TGS1: variants seen among roughly 807,000 people sequenced by gnomAD.
TGS1 encodes the protein trimethylguanosine synthase 1.
In TGS1, 69 loss-of-function variants were observed where a neutral mutation model predicts 92.2. That is an observed-to-expected ratio of 0.75 (90% CI 0.62 to 0.91). The LOEUF (loss-of-function observed/expected upper bound fraction) is 0.91. TGS1 is among the 40% of genes least tolerant of loss of function. The pLI, the probability that TGS1 is intolerant of heterozygous loss-of-function variation, is 0.00. For missense variants in TGS1, 1,062 were observed against 1,001.2 expected (o/e 1.06, Z -0.82); for synonymous variants, 345 against 338.1 (o/e 1.02, Z -0.22).
chr8:55,790,193 T>C lies in TGS1; in HGVS notation c.1174T>C (p.Ser392Pro), dbSNP rs1415346005. 1.2e-6 allele frequency: 2 copies of C among 1,613,418 alleles called. No individual in the cohort carries two copies. The highest frequency in any genetic ancestry group is 1.7e-6 in the Non-Finnish European group (2 of 1,179,614). Residue 392 changes from serine to proline, a missense_variant, in exon 5 of 13, where the codon TCT (serine) becomes CCT (proline). Coordinates refer to ENST00000260129, the MANE Select transcript of TGS1 (RefSeq NM_024831.8). ...TTCTGCCTCTTTAGATTCACAGAAGTCTTCAGGAGCAAACACAAGCAAAGA... is the reference window on the plus strand; with the variant it reads ...TTCTGCCTCTTTAGATTCACAGAAGCCTTCAGGAGCAAACACAAGCAAAGA... ...TDPPAEDSQKSSGANTSKDRP... is the reference protein window; with the variant it reads ...TDPPAEDSQKPSGANTSKDRP...
intron 4 of TGS1, 133 bp from the exon 5 acceptor site, chr8:55,790,049 T>A (rs767226209): frequency 9.1e-6 from 6 of 655,742 alleles, no homozygotes; most frequent in Non-Finnish European, 1.6e-5. Flanking sequence ...CAGGTAGATG[T>A]GAGCTGGCAC....
At chr8:55,803,692 CTTTTTTTTTTTA>C (rs772373673) in intron 9 of TGS1, among the ~76,000 whole-genome samples, 94 of 144,226 alleles carry the variant, frequency 6.5e-4, no homozygotes, top group Admixed American at 9.7e-4. Context: ...TTTTTCTTTT[CTTTTTTTTTTTA>C]TTTTTTTTAG....
chr8:55,804,398 G>C (rs969015205), intron 9 of TGS1, among the ~76,000 whole-genome samples: 32 of 152,198 alleles, frequency 2.1e-4, no homozygotes, highest in African/African-American at 7.7e-4. Context: ...CCAAGATCAT[G>C]CCGTTGCACT....
At chr8:55,818,364 G>A (rs573143924) in intron 12 of TGS1, among the ~76,000 whole-genome samples, 10 of 152,192 alleles carry the variant, frequency 6.6e-5, no homozygotes, top group Non-Finnish European at 1.0e-4. Context: ...GTAGAGATGG[G>A]GTTTCACCAT....
intron 12 of TGS1, among the ~76,000 whole-genome samples, chr8:55,817,153 A>G (rs1036425358): frequency 3.3e-5 from 5 of 152,186 alleles, no homozygotes; most frequent in Admixed American, 3.3e-4. Context: ...ATGAGCCACC[A>G]CGCCTGGCCC....
intron 8 of TGS1, among the ~76,000 whole-genome samples, chr8:55,800,242 T>A (rs1380041423): frequency 1.3e-5 from 2 of 152,212 alleles, no homozygotes; most frequent in African/African-American, 4.8e-5. Context: ...TACAGTAGTT[T>A]ACATTTATTT....
rs755507428 is a variant in TGS1 at position 55,796,043 on chromosome 8, A to C, written c.1433A>C (p.Lys478Thr). The change falls in exon 7 of 13, where the codon AAG (lysine) becomes ACG (threonine). Residue 478 changes from lysine (K) to threonine (T), a missense_variant. By Grantham distance (78) the Lys-to-Thr change is moderately conservative (BLOSUM62 -1). Coordinates refer to ENST00000260129, the MANE Select transcript of TGS1 (RefSeq NM_024831.8). ...TATTTAGAGAAGAATGTGAAGCTTA[A>C]GTCTAAGTACCTAGACATGCGCAGA... ...VRYLEKNVKL[K>T]SKYLDMRRQI... 3.1e-6 allele frequency: 5 copies of C among 1,613,160 alleles called. No individual in the cohort carries two copies. Among genetic ancestry groups the C allele is most frequent in the African/African-American group, 2.7e-5 (2 of 74,918 alleles).
chr8:55,795,457 T>G (rs1295850203), intron 6 of TGS1, among the ~76,000 whole-genome samples: 1 of 152,180 alleles, frequency 6.6e-6, no homozygotes, highest in Non-Finnish European at 1.5e-5. Context: ...AAAGGAGGCT[T>G]CATAGCAGAT....
intron 5 of TGS1, among the ~76,000 whole-genome samples, chr8:55,791,722 C>G (rs549025688): frequency 2.6e-5 from 4 of 152,298 alleles, no homozygotes; most frequent in East Asian, 1.9e-4. Flanking sequence ...GTGCTTATGT[C>G]CCAAACTGCA....
At position 55,811,106 on chromosome 8, in the gene TGS1, T is replaced by C; in HGVS notation, c.2360+9T>C. 1.3e-6 allele frequency: 2 copies of C among 1,590,894 alleles called. No homozygotes were observed. The highest frequency in any genetic ancestry group is 1.7e-6 in the Non-Finnish European group (2 of 1,167,970). ...ATGATGTCTCCTGATGGATATCCTTTGGAAGTCTTAAGAGTTTACTGAAAC... is the reference window on the plus strand; with the variant it reads ...ATGATGTCTCCTGATGGATATCCTTCGGAAGTCTTAAGAGTTTACTGAAAC... On this transcript the variant is annotated intron_variant, in intron 11 of 12. Coordinates refer to ENST00000260129, the MANE Select transcript of TGS1 (RefSeq NM_024831.8).
chr8:55,806,591 G>A (rs1351735894), intron 10 of TGS1, among the ~76,000 whole-genome samples: 1 of 152,030 alleles, frequency 6.6e-6, no homozygotes, highest in African/African-American at 2.4e-5. Flanking sequence ...TAAGTTTGGG[G>A]AGTCCAAAAT....
chr8:55,774,093 C>CT (rs1355577229), intron 1 of TGS1, among the ~76,000 whole-genome samples: 3 of 152,140 alleles, frequency 2.0e-5, no homozygotes, highest in Non-Finnish European at 2.9e-5. Context: ...TGGTTAACGT[C>CT]TTTTTTTAAA....
intron 10 of TGS1, among the ~76,000 whole-genome samples, chr8:55,806,567 A>G (rs1160008108): frequency 6.6e-6 from 1 of 152,148 alleles, no homozygotes; most frequent in Non-Finnish European, 1.5e-5. Flanking sequence ...GGTCAACAGT[A>G]GGCTATTAAA....
At chr8:55,792,635 T>C in intron 5 of TGS1, 63 bp from the exon 6 acceptor site, 1 of 1,167,374 alleles carries the variant, frequency 8.6e-7, no homozygotes, top group Non-Finnish European at 1.3e-6. Context: ...CTTTTTTATA[T>C]TTATCTGAAC....
intron 10 of TGS1, among the ~76,000 whole-genome samples, chr8:55,805,920 G>A (rs1683320957): frequency 6.7e-6 from 1 of 150,154 alleles, no homozygotes; most frequent in African/African-American, 2.4e-5. Context: ...AAATTAGCCA[G>A]GCGTGGTGGT....
Position 55,812,477 on chromosome 8 carries a change from CAG to C in TGS1, c.2361-560_2361-559del, listed in dbSNP as rs369890654. ...TGCCACTGCACTCCAGCCTGGGTGA[CAG>C]AGCAAGACTCTGTCTCAAAAAAAAA... On this transcript the variant is annotated intron_variant, in intron 11 of 12. Transcript: ENST00000260129. Among the ~76,000 whole-genome samples the C allele has an allele frequency of 1.4e-3, 167 of 121,540 alleles. 3 individuals carry two copies. In the East Asian group the frequency reaches 0.031, roughly 23 times the overall value. The allele number at this position is 121,540 out of a possible 152,430, so 79.7% of individuals were successfully genotyped here.
intron 9 of TGS1, among the ~76,000 whole-genome samples, chr8:55,803,130 G>T (rs13273317): frequency 0.51 from 73,905 of 143,862 alleles, 20,168 homozygotes; most frequent in Non-Finnish European, 0.63. Flanking sequence ...AATTTGGGGG[G>T]GTGTGTGTGT....
Position 55,826,067 on chromosome 8 carries a change from GTC to G in TGS1, c.*1367_*1368del, listed in dbSNP as rs2130277659. Among the ~76,000 whole-genome samples the G allele has an allele frequency of 6.6e-6, 1 of 152,060 alleles. No individual in the cohort carries two copies. The highest frequency in any genetic ancestry group is 2.1e-4 in the South Asian group (1 of 4,818). ...GGGTTTCACCGTGTTAGCCAGGATG[GTC>G]TCGATCTCCTGACCTTGTGATCCAA... On this transcript the variant is annotated 3_prime_UTR_variant, in exon 13 of 13. Transcript: ENST00000260129.
intron 11 of TGS1, 86 bp from the exon 12 acceptor site, chr8:55,812,954 C>A: frequency 4.0e-6 from 4 of 996,722 alleles, no homozygotes; most frequent in Non-Finnish European, 6.2e-6. Flanking sequence ...TTTTGAAATA[C>A]ATTTGAGTTA....
Sources: allele counts gnomAD v4.1 joint callset (sites outside exome capture counted in the v4.1 genomes callset), GRCh38; gene constraint gnomAD v4.1.1; transcripts MANE v1.5; gene names NCBI Gene and HGNC (gene_info 2026-07-23, HGNC 2026-07-21).